The following TNPO3 variants were observed in gnomAD, a reference collection of about 807,000 sequenced individuals.
TNPO3 encodes the protein transportin 3.
A neutral mutation model predicts 122.8 loss-of-function variants in TNPO3; 65 were observed. The ratio of observed to expected loss-of-function variants is 0.53; its 90% CI spans 0.43 to 0.65. The LOEUF is 0.65. Ranked by LOEUF, TNPO3 falls within the 30% of genes least tolerant of loss-of-function variation. TNPO3 has a pLI of 0.00. For synonymous variants in TNPO3, 372 were observed against 411.2 expected, an observed-to-expected ratio of 0.90 and a Z score of 1.15; for missense variants, 850 against 1,136.7, an observed-to-expected ratio of 0.75 and a Z score of 3.63.
chr7:128,969,328 G>C (rs987534201), intron 20 of TNPO3, among the ~76,000 whole-genome samples: 1 of 152,088 alleles, frequency 6.6e-6, no homozygotes, highest in African/African-American at 2.4e-5. Context: ...ACTCTATCAG[G>C]TTGAAATGGA....
intron 1 of TNPO3, among the ~76,000 whole-genome samples, chr7:129,027,490 G>A (rs1009107801): frequency 7.0e-6 from 1 of 143,480 alleles, no homozygotes; most frequent in African/African-American, 2.6e-5. Context: ...GAACCCGGGA[G>A]GTGGATGCTG....
At chr7:129,032,411 A>G (rs1481320497) in intron 1 of TNPO3, among the ~76,000 whole-genome samples, 1 of 152,184 alleles carries the variant, frequency 6.6e-6, no homozygotes, top group African/African-American at 2.4e-5. Context: ...ATGTAAAATA[A>G]TCTCTGGTCA....
chr7:129,001,417 T>G (rs1801937033), intron 5 of TNPO3, among the ~76,000 whole-genome samples, 183 bp from the exon 6 acceptor site: 1 of 152,214 alleles, frequency 6.6e-6, no homozygotes, highest in Admixed American at 6.5e-5. Flanking sequence ...TTACATAGCA[T>G]TTACATTGTA....
chr7:129,051,714 G>C (rs1178074940), intron 1 of TNPO3, among the ~76,000 whole-genome samples: 1 of 152,064 alleles, frequency 6.6e-6, no homozygotes, highest in Non-Finnish European at 1.5e-5. Context: ...CACAATATCA[G>C]CTCACTGCAA....
chr7:128,973,610 C>A (rs1232634162), intron 18 of TNPO3, among the ~76,000 whole-genome samples: 1 of 150,786 alleles, frequency 6.6e-6, no homozygotes, highest in Non-Finnish European at 1.5e-5. Context: ...GTGGCGGGTG[C>A]CTGTAGTCCC....
At chr7:129,029,969 G>T (rs1382557034) in intron 1 of TNPO3, 1 of 152,348 alleles carries the variant, frequency 6.6e-6, no homozygotes, top group Admixed American at 6.5e-5. Flanking sequence ...GGAGCTTGCA[G>T]TGAGCCCAGA....
At chr7:128,956,926 T>A (rs1796957049) in intron 22 of TNPO3, among the ~76,000 whole-genome samples, 1 of 152,230 alleles carries the variant, frequency 6.6e-6, no homozygotes, top group African/African-American at 2.4e-5. Flanking sequence ...ACACTTACCA[T>A]CTTAGAAGTG....
chr7:128,991,515 A>G (rs1383043526), intron 10 of TNPO3, among the ~76,000 whole-genome samples: 6 of 152,242 alleles, frequency 3.9e-5, no homozygotes, highest in African/African-American at 1.4e-4. Flanking sequence ...TTCAATGGCA[A>G]TAACAAAAAC....
At chr7:129,015,630 C>T (rs958042756) in intron 3 of TNPO3, among the ~76,000 whole-genome samples, 7 of 151,920 alleles carry the variant, frequency 4.6e-5, no homozygotes, top group Non-Finnish European at 1.0e-4. Context: ...TCCACAAGTT[C>T]GAGACCAGCC....
At chr7:128,981,471 T>A (rs1023491122) in intron 14 of TNPO3, among the ~76,000 whole-genome samples, 7 of 152,202 alleles carry the variant, frequency 4.6e-5, no homozygotes, top group Non-Finnish European at 1.0e-4. Flanking sequence ...CCATACACTA[T>A]ATACAGCGAT....
chr7:128,965,278 A>C (rs1395581562), intron 21 of TNPO3, among the ~76,000 whole-genome samples: 2 of 152,268 alleles, frequency 1.3e-5, no homozygotes, highest in Non-Finnish European at 2.9e-5. Flanking sequence ...AAGCACTTGA[A>C]TAGACATTTC....
In TNPO3 at chr7:128,996,927, A is replaced by G. The variant is rs137918078; in HGVS notation, c.1158+462T>C. On this transcript the variant is annotated intron_variant, in intron 8 of 22. Transcript: ENST00000265388. ...GGGTTTATAATTTTTACTTTTACAGATAACATTTTGTATATAAAATAGCTG... is the reference window on the plus strand; with the variant it reads ...GGGTTTATAATTTTTACTTTTACAGGTAACATTTTGTATATAAAATAGCTG... 5.3e-5 allele frequency among the ~76,000 whole-genome samples: 8 copies of G among 152,232 alleles called. 1 individual carries two copies. Among genetic ancestry groups the G allele is most frequent in the African/African-American group, 1.9e-4 (8 of 41,546 alleles).
At position 129,013,986 on chromosome 7, in the gene TNPO3, C is replaced by T. The variant is rs554847855; in HGVS notation, c.552+993G>A. Among the ~76,000 whole-genome samples, 8 of 151,980 alleles carry T rather than the reference C, an allele frequency of 5.3e-5. No individual in the cohort carries two copies. In the East Asian group the frequency reaches 1.2e-3, roughly 22 times the overall value. ...GCTAGGAAGGGTAACGGGGAGGGGA[C>T]GACCAAGAAAGGTTGATTAACGGGT... On this transcript the variant is annotated intron_variant, in intron 4 of 22. Transcript: ENST00000265388.
chr7:128,993,969 C>T, intron 8 of TNPO3, 55 bp from the exon 9 acceptor site: 1 of 1,467,422 alleles, frequency 6.8e-7, no homozygotes, highest in East Asian at 2.3e-5. Flanking sequence ...CTTTCAATGA[C>T]CTCTATAAAA....
chr7:129,017,209 A>G (rs1374264146), intron 2 of TNPO3, among the ~76,000 whole-genome samples, 153 bp from the exon 3 acceptor site: 1 of 152,222 alleles, frequency 6.6e-6, no homozygotes, highest in East Asian at 1.9e-4. Flanking sequence ...AATTCTATAC[A>G]TCTGATGTAA....
intron 4 of TNPO3, among the ~76,000 whole-genome samples, chr7:129,009,743 C>T (rs2150407242): frequency 6.6e-6 from 1 of 152,322 alleles, no homozygotes; most frequent in East Asian, 1.9e-4. Flanking sequence ...CACCTCAGGC[C>T]ACAGTCTGAG....
rs116830152 is a variant in TNPO3, at chr7:129,017,926, A to G, written c.321+31T>C. The G allele has an allele frequency of 8.9e-4, 1,433 of 1,607,222 alleles. 15 individuals are homozygous for G. In the African/African-American group the frequency reaches 0.018, roughly 20 times the overall value. On this transcript the variant is annotated intron_variant, in intron 2 of 22. Transcript: ENST00000265388. ...TCCTGATAAATCCAAATGGCCATAC[A>G]AATTTCTCTAATGAGAAGCACAGGA... is the stretch of plus-strand genomic sequence containing the variant.
intron 21 of TNPO3, among the ~76,000 whole-genome samples, chr7:128,959,786 C>A (rs1409396391): frequency 6.6e-6 from 1 of 152,126 alleles, no homozygotes; most frequent in African/African-American, 2.4e-5. Context: ...CTTTGGGAGG[C>A]CAAGGCGGGT....
intron 7 of TNPO3, among the ~76,000 whole-genome samples, chr7:128,997,981 GTACACACCACCAAGC>G (rs1801512801): frequency 6.6e-6 from 1 of 150,846 alleles, no homozygotes; most frequent in Non-Finnish European, 1.5e-5. Flanking sequence ...GGGACTACAG[GTACACACCACCAAGC>G]TCAGCTAATT....
Sources: gnomAD v4.1 joint callset for allele counts (sites outside exome capture counted in the v4.1 genomes callset) on GRCh38, gnomAD v4.1.1 for gene constraint, MANE v1.5 for transcripts, NCBI Gene and HGNC (gene_info 2026-07-23, HGNC 2026-07-21) for gene names.